The following NIPBL variants were observed in gnomAD, a reference collection of about 807,000 sequenced individuals.
The protein encoded by NIPBL is nipped-B-like protein.
NIPBL carries 19 observed loss-of-function variants against 321.8 expected under a neutral mutation model. That is an observed-to-expected ratio of 0.06 (90% CI 0.04 to 0.09). The LOEUF (loss-of-function observed/expected upper bound fraction) is 0.09, where lower values mean the gene tolerates loss of function less well. NIPBL is among the 10% of genes least tolerant of loss of function. The pLI is 1.00. For synonymous variants in NIPBL, 1,106 were observed against 1,114.1 expected (o/e 0.99, Z 0.14); for missense variants, 2,210 against 3,327.0 (o/e 0.66, Z 8.26).
chr5:36,903,917 A>G (rs911949055), intron 1 of NIPBL, among the ~76,000 whole-genome samples: 3 of 152,246 alleles, frequency 2.0e-5, no homozygotes, highest in Admixed American at 6.5e-5. Flanking sequence ...ATAAGCAGAC[A>G]GATTTATAGG....
chr5:37,038,779 C>T, intron 34 of NIPBL, 41 bp downstream of exon 34: 2 of 1,598,816 alleles, frequency 1.3e-6, no homozygotes, highest in Non-Finnish European at 1.7e-6. Flanking sequence ...TTACATAAAA[C>T]ATTAAGTGCT....
chr5:36,994,996 C>T (rs1745973097), intron 10 of NIPBL, among the ~76,000 whole-genome samples: 1 of 152,068 alleles, frequency 6.6e-6, no homozygotes, highest in African/African-American at 2.4e-5. Context: ...TTTCTCTCGT[C>T]TTCAGTTAAA....
intron 1 of NIPBL, among the ~76,000 whole-genome samples, chr5:36,933,045 G>T (rs1749900549): frequency 6.6e-6 from 1 of 151,128 alleles, no homozygotes; most frequent in African/African-American, 2.4e-5. Flanking sequence ...GTTACTGTAG[G>T]GATTACAATA....
At chr5:36,922,996 G>A (rs749532327) in intron 1 of NIPBL, among the ~76,000 whole-genome samples, 1 of 151,938 alleles carries the variant, frequency 6.6e-6, no homozygotes, top group Non-Finnish European at 1.5e-5. Flanking sequence ...ACCAATTAAA[G>A]CTGGCTTCTA....
intron 1 of NIPBL, among the ~76,000 whole-genome samples, chr5:36,950,757 A>G (rs1561067584): frequency 6.6e-6 from 1 of 152,112 alleles, no homozygotes; most frequent in Non-Finnish European, 1.5e-5. Context: ...CACAGAGCCA[A>G]GCAGTCCAAA....
At chr5:36,889,414 CATATT>C (rs1227413100) in intron 1 of NIPBL, among the ~76,000 whole-genome samples, 1 of 152,114 alleles carries the variant, frequency 6.6e-6, no homozygotes, top group African/African-American at 2.4e-5. Context: ...TCCAGATACT[CATATT>C]AAGAACTGGG....
chr5:37,015,876 A>G lies in NIPBL; in HGVS notation c.4644-162A>G, dbSNP rs143479760. ...AAGGAGAAAGTGGAGTTTGTGAAAT[A>G]GACTCATTTTAAACCATATTTTATT... On this transcript the variant is annotated intron_variant, in intron 22 of 46. Transcript: ENST00000282516. Among the ~76,000 whole-genome samples the G allele has an allele frequency of 4.7e-3, 718 of 152,320 alleles. 1 individual carries two copies. Among genetic ancestry groups the G allele is most frequent in the Non-Finnish European group, 7.9e-3 (540 of 68,032 alleles).
Position 37,064,939 on chromosome 5 carries a change from AG to A in NIPBL, c.*48del. The A allele has an allele frequency of 6.2e-7, 1 of 1,612,422 alleles. No homozygotes were observed. The highest frequency in any genetic ancestry group is 1.1e-5 in the South Asian group (1 of 90,978). ...ATTTACAGGAATTTTTTTAAAAGGC[AG>A]AAAAACTTGAAATACCAACATTCTG... On this transcript the variant is annotated 3_prime_UTR_variant, in exon 47 of 47. Transcript: ENST00000282516.
At chr5:37,062,937 A>C (rs946566044) in intron 45 of NIPBL, among the ~76,000 whole-genome samples, 1 of 152,204 alleles carries the variant, frequency 6.6e-6, no homozygotes, top group Non-Finnish European at 1.5e-5. Context: ...AAAGAAAAAA[A>C]AAAAGGGTTA....
At chr5:37,021,264 A>G (rs952444428) in intron 27 of NIPBL, among the ~76,000 whole-genome samples, 1 of 152,080 alleles carries the variant, frequency 6.6e-6, no homozygotes. Flanking sequence ...GTGCCATTGC[A>G]CTCCAGCCTG....
rs527531030 is a variant in NIPBL, at chr5:36,978,730, G to C, written c.1495+2328G>C. The stretch of plus-strand genomic sequence containing the variant: ...GATTTTTATTGTTTGAGGTCTTACA[G>C]TTACATATTTAATTCATCTTGAGTT... On this transcript the variant is annotated intron_variant, in intron 9 of 46. Coordinates refer to ENST00000282516, the MANE Select transcript of NIPBL (RefSeq NM_133433.4). 1.0e-3 allele frequency among the ~76,000 whole-genome samples: 157 copies of C among 151,798 alleles called. 2 individuals are homozygous for C. The highest frequency in any genetic ancestry group is 6.8e-3 in the Middle Eastern group (2 of 294).
At chr5:36,951,624 C>G (rs962693966) in intron 1 of NIPBL, among the ~76,000 whole-genome samples, 9 of 152,128 alleles carry the variant, frequency 5.9e-5, no homozygotes, top group African/African-American at 2.2e-4. Flanking sequence ...GATGTGACTA[C>G]TAACTATGCA....
At position 36,975,853 on chromosome 5, in the gene NIPBL, C is replaced by G; in HGVS notation, c.946C>G (p.Leu316Val). 6.2e-7 allele frequency: 1 copy of G among 1,612,174 alleles called. No homozygotes were observed. The highest frequency in any genetic ancestry group is 8.5e-7 in the Non-Finnish European group (1 of 1,179,428). ...TCGAGATGTTCCACCAGATATCTTGCTAGATTCTCCAGAAAGAAAACAAAA... is the reference window on the plus strand; with the variant it reads ...TCGAGATGTTCCACCAGATATCTTGGTAGATTCTCCAGAAAGAAAACAAAA... ...SPRDVPPDIL[L>V]DSPERKQKKQ... Residue 316 changes from leucine (L) to valine (V), a missense_variant, in exon 9 of 47, where the codon CTA (leucine) becomes GTA (valine). By Grantham distance (32) the Leu-to-Val change is conservative. Transcript: ENST00000282516.
intron 1 of NIPBL, among the ~76,000 whole-genome samples, chr5:36,930,106 G>GA (rs983189985): frequency 9.3e-5 from 14 of 151,116 alleles, no homozygotes; most frequent in East Asian, 3.9e-4. Flanking sequence ...TATTTCTATG[G>GA]AAAAAAAACA....
chr5:36,890,456 A>G (rs1174935984), intron 1 of NIPBL, among the ~76,000 whole-genome samples: 1 of 152,218 alleles, frequency 6.6e-6, no homozygotes, highest in Non-Finnish European at 1.5e-5. Context: ...TATAGAATAC[A>G]CACTTCCTAT....
chr5:37,012,083 G>C (rs1265891485), intron 21 of NIPBL, among the ~76,000 whole-genome samples: 1 of 147,860 alleles, frequency 6.8e-6, no homozygotes, highest in Non-Finnish European at 1.5e-5. Context: ...ATAGTTATTT[G>C]TCTGTTGTAT....
chr5:36,971,872 A>G, intron 7 of NIPBL, 73 bp from the exon 8 acceptor site: 1 of 1,536,638 alleles, frequency 6.5e-7, no homozygotes, highest in Non-Finnish European at 8.9e-7. Flanking sequence ...TATGTCTCTT[A>G]TTGGTTCTCT....
At position 37,017,066 on chromosome 5, in the gene NIPBL, A is replaced by G. The variant is rs2149692127; in HGVS notation, c.4824A>G (p.Ala1608=). 1 of 1,612,310 alleles carries G rather than the reference A, an allele frequency of 6.2e-7. No homozygotes were observed. Among genetic ancestry groups the G allele is most frequent in the South Asian group, 1.1e-5 (1 of 90,808 alleles). The change falls in exon 24 of 47, where the codon GCA becomes GCG. Residue 1608 remains alanine, a synonymous_variant. Transcript: ENST00000282516. The part of the protein sequence containing the change: ...NKSTEMALRV[A]SLDYLGTVAA... The stretch of plus-strand genomic sequence containing the variant: ...CAACAGAGATGGCTTTAAGAGTGGC[A>G]TCTCTTGATTACCTTGGAACTGTTG...
At chr5:37,019,131 T>G (rs1204974736) in intron 24 of NIPBL, among the ~76,000 whole-genome samples, 180 bp from the exon 25 acceptor site, 1 of 152,128 alleles carries the variant, frequency 6.6e-6, no homozygotes, top group Non-Finnish European at 1.5e-5. Flanking sequence ...AAGGCAAACT[T>G]CAGCTATCAA....
Sources: allele counts gnomAD v4.1 joint callset (sites outside exome capture counted in the v4.1 genomes callset), GRCh38; gene constraint gnomAD v4.1.1; transcripts MANE v1.5; gene names NCBI Gene and HGNC (gene_info 2026-07-23, HGNC 2026-07-21).